The following PLCE1 variants were observed in gnomAD, a reference collection of about 807,000 sequenced individuals.
PLCE1 encodes the protein phospholipase C epsilon 1, also known as 1-phosphatidylinositol 4,5-bisphosphate phosphodiesterase epsilon-1.
A neutral mutation model predicts 242.8 loss-of-function variants in PLCE1; 119 were observed. The observed-to-expected ratio is 0.49, with a 90% CI of 0.42 to 0.57. The LOEUF (loss-of-function observed/expected upper bound fraction) is 0.57. Among genes scored for constraint, PLCE1 ranks in the 20% least tolerant of loss-of-function variants. The pLI is 0.00. For missense variants in PLCE1, 2,441 were observed against 2,788.8 expected (o/e 0.88, Z 2.81); for synonymous variants, 945 against 1,017.4 (o/e 0.93, Z 1.35).
rs1446716278 is a variant in PLCE1 at position 94,313,244 on chromosome 10, T to C, written c.6004-10T>C. 6.2e-7 allele frequency: 1 copy of C among 1,613,932 alleles called. No individual in the cohort carries two copies. Among genetic ancestry groups the C allele is most frequent in the Non-Finnish European group, 8.5e-7 (1 of 1,179,918 alleles). On this transcript the variant is annotated splice_polypyrimidine_tract_variant and intron_variant, in intron 27 of 32. Transcript: ENST00000371380. ...CGGATGAATGATCAGCCATGTGATC[T>C]TCTTGACAGATGTTTAATACAGAAG...
chr10:94,192,897 T>C (rs1351210117), intron 4 of PLCE1, among the ~76,000 whole-genome samples: 1 of 94,602 alleles, frequency 1.1e-5, no homozygotes, highest in Non-Finnish European at 2.3e-5. Flanking sequence ...GCACCCGCTC[T>C]CATCTGATCT....
chr10:94,285,003 A>G (rs1466265099), intron 22 of PLCE1, 38 bp downstream of exon 22: 1 of 1,140,390 alleles, frequency 8.8e-7, no homozygotes, highest in Non-Finnish European at 1.3e-6. Flanking sequence ...TTTTAAAGAT[A>G]TCAAAGGTTA....
At chr10:94,109,081 C>T (rs2135594273) in intron 2 of PLCE1, 1 of 152,280 alleles carries the variant, frequency 6.6e-6, no homozygotes. Flanking sequence ...TTCCTGCCAT[C>T]TTTTGAGTTT....
At chr10:94,235,203 C>G (rs1589394440) in intron 6 of PLCE1, among the ~76,000 whole-genome samples, 1 of 152,202 alleles carries the variant, frequency 6.6e-6, no homozygotes, top group East Asian at 1.9e-4. Flanking sequence ...ATCAGAAAGA[C>G]TTAAGAGCTC....
chr10:94,030,654 A>G (rs2061540286), intron 1 of PLCE1, among the ~76,000 whole-genome samples, 29 bp from the exon 2 acceptor site: 1 of 152,154 alleles, frequency 6.6e-6, no homozygotes, highest in Non-Finnish European at 1.5e-5. Flanking sequence ...TGAGTGCCAC[A>G]GTGTTTGACA....
chr10:94,218,351 C>T (rs2049601244), intron 4 of PLCE1, among the ~76,000 whole-genome samples: 1 of 151,980 alleles, frequency 6.6e-6, no homozygotes, highest in Admixed American at 6.6e-5. Flanking sequence ...TTAGGTAAAG[C>T]CCAGATAGGT....
chr10:94,288,450 G>C (rs2052537092), intron 22 of PLCE1, among the ~76,000 whole-genome samples: 1 of 152,164 alleles, frequency 6.6e-6, no homozygotes, highest in South Asian at 2.1e-4. Context: ...AAGTGGAGTT[G>C]ACTAGAATCC....
At chr10:94,272,008 G>T (rs753813268) in intron 18 of PLCE1, among the ~76,000 whole-genome samples, 18 of 152,168 alleles carry the variant, frequency 1.2e-4, no homozygotes, top group Non-Finnish European at 2.6e-4. Flanking sequence ...GAGGAAACAG[G>T]ACCAGGGCAA....
chr10:94,242,566 C>G (rs968135377), intron 7 of PLCE1, among the ~76,000 whole-genome samples: 1 of 152,176 alleles, frequency 6.6e-6, no homozygotes, highest in Non-Finnish European at 1.5e-5. Flanking sequence ...CTGTCTTGGT[C>G]TCCCATAGTG....
intron 1 of PLCE1, among the ~76,000 whole-genome samples, chr10:94,013,533 G>A (rs1467380196): frequency 1.3e-5 from 2 of 152,222 alleles, no homozygotes; most frequent in African/African-American, 4.8e-5. Context: ...AAACAAATGA[G>A]GCTGATTCAT....
chr10:94,022,719 T>G (rs1003702265), intron 1 of PLCE1, among the ~76,000 whole-genome samples: 2 of 152,090 alleles, frequency 1.3e-5, no homozygotes. Flanking sequence ...ACTCTGTTCC[T>G]TCTCAGGTAA....
At chr10:94,229,486 T>G (rs1238827893) in intron 5 of PLCE1, among the ~76,000 whole-genome samples, 1 of 152,160 alleles carries the variant, frequency 6.6e-6, no homozygotes, top group African/African-American at 2.4e-5. Context: ...CTTGCCATAT[T>G]GTACTGATCA....
intron 3 of PLCE1, among the ~76,000 whole-genome samples, chr10:94,137,036 C>CA (rs1402682349): frequency 1.3e-5 from 2 of 151,990 alleles, no homozygotes; most frequent in African/African-American, 4.8e-5. Context: ...ACTAAAAATA[C>CA]AAAAAAATTA....
intron 2 of PLCE1, among the ~76,000 whole-genome samples, chr10:94,042,036 G>A (rs916628295): frequency 9.2e-5 from 14 of 152,114 alleles, no homozygotes; most frequent in South Asian, 2.1e-4. Context: ...CAGGCACTGT[G>A]TCTATAATTT....
In PLCE1 at chr10:94,283,915, G is replaced by A; in HGVS notation, c.4917+4G>A. On this transcript the variant is annotated splice_donor_region_variant and intron_variant, in intron 21 of 32. Coordinates refer to ENST00000371380, the MANE Select transcript of PLCE1 (RefSeq NM_016341.4). The stretch of plus-strand genomic sequence containing the variant: ...CTCTGCTTGCAACAAAGGAAAGGTG[G>A]GTGAACGGTTTCTGTTAAATGACAC... The A allele has an allele frequency of 3.7e-6, 6 of 1,610,064 alleles. No homozygotes were observed. Among genetic ancestry groups the A allele is most frequent in the Non-Finnish European group, 5.1e-6 (6 of 1,177,442 alleles).
At chr10:94,122,997 A>G (rs894814727) in intron 2 of PLCE1, among the ~76,000 whole-genome samples, 3 of 152,014 alleles carry the variant, frequency 2.0e-5, no homozygotes, top group Non-Finnish European at 4.4e-5. Flanking sequence ...TGCTTGCAGC[A>G]TGCTAAGCAG....
chr10:94,155,094 CAT>C (rs1010657865), intron 3 of PLCE1, among the ~76,000 whole-genome samples: 3 of 151,802 alleles, frequency 2.0e-5, no homozygotes, highest in Non-Finnish European at 2.9e-5. Context: ...AGATGCTAAA[CAT>C]AGGAGTTACC....
At chr10:94,092,705 G>T (rs776116871) in intron 2 of PLCE1, among the ~76,000 whole-genome samples, 1 of 151,750 alleles carries the variant, frequency 6.6e-6, no homozygotes, top group Non-Finnish European at 1.5e-5. Context: ...GAAAAAAATA[G>T]GAAGTTCAGT....
intron 3 of PLCE1, among the ~76,000 whole-genome samples, chr10:94,134,220 T>C (rs945560380): frequency 2.2e-4 from 33 of 151,268 alleles, no homozygotes; most frequent in African/African-American, 7.8e-4. Context: ...TGCCTCAGCC[T>C]CCCGAGTAGC....
Sources: allele counts gnomAD v4.1 joint callset (sites outside exome capture counted in the v4.1 genomes callset), GRCh38; gene constraint gnomAD v4.1.1; transcripts MANE v1.5; gene names NCBI Gene and HGNC (gene_info 2026-07-23, HGNC 2026-07-21).